Variants in CDYL2 observed in about 807,000 individuals in gnomAD.
CDYL2 encodes the protein chromodomain Y like 2.
CDYL2 carries 23 observed loss-of-function variants against 49.4 expected under a neutral mutation model. That is an observed-to-expected ratio of 0.47 (90% confidence interval 0.34 to 0.66). CDYL2 has a LOEUF of 0.66. Among genes scored for constraint, CDYL2 ranks in the 30% least tolerant of loss-of-function variants. CDYL2 has a pLI of 0.01. For synonymous variants in CDYL2, 360 were observed against 268.8 expected (o/e 1.34, Z -3.32); for missense variants, 678 against 656.4 (o/e 1.03, Z -0.36).
intron 1 of CDYL2, among the ~76,000 whole-genome samples, chr16:80,707,895 A>G (rs1473424138): frequency 6.6e-6 from 1 of 152,192 alleles, no homozygotes; most frequent in Non-Finnish European, 1.5e-5. Context: ...GAGACCATTG[A>G]TGCCTCTTAA....
intron 1 of CDYL2, among the ~76,000 whole-genome samples, chr16:80,687,159 C>G (rs1910228374): frequency 6.6e-6 from 1 of 152,222 alleles, no homozygotes; most frequent in South Asian, 2.1e-4. Flanking sequence ...AGCAATCTGA[C>G]ATTGCCTGAA....
chr16:80,682,677 GC>G (rs1910014805), intron 2 of CDYL2, among the ~76,000 whole-genome samples: 1 of 152,102 alleles, frequency 6.6e-6, no homozygotes, highest in Admixed American at 6.5e-5. Flanking sequence ...AGGGAACCCC[GC>G]CAGAGCCTTG....
chr16:80,769,280 A>G (rs1906828293), intron 1 of CDYL2, among the ~76,000 whole-genome samples: 1 of 152,236 alleles, frequency 6.6e-6, no homozygotes, highest in Non-Finnish European at 1.5e-5. Context: ...GGATGGCTCA[A>G]AAGGCTACAA....
At chr16:80,802,365 A>G (rs984172500) in intron 1 of CDYL2, among the ~76,000 whole-genome samples, 10 of 152,172 alleles carry the variant, frequency 6.6e-5, no homozygotes, top group Non-Finnish European at 1.5e-4. Flanking sequence ...CCCCTAAACA[A>G]TATCTACTTT....
At chr16:80,606,774 A>G (rs1490003324) in intron 6 of CDYL2, among the ~76,000 whole-genome samples, 1 of 152,148 alleles carries the variant, frequency 6.6e-6, no homozygotes, top group Non-Finnish European at 1.5e-5. Context: ...TTTCCCCCAC[A>G]CTGTTCTCCT....
chr16:80,692,893 T>A (rs1195744002), intron 1 of CDYL2, among the ~76,000 whole-genome samples: 2 of 152,250 alleles, frequency 1.3e-5, no homozygotes, highest in Non-Finnish European at 2.9e-5. Flanking sequence ...ATCAGAGCAT[T>A]TTTTCTCATA....
intron 2 of CDYL2, among the ~76,000 whole-genome samples, chr16:80,663,462 C>G (rs1909132249): frequency 6.6e-6 from 1 of 152,132 alleles, no homozygotes; most frequent in Non-Finnish European, 1.5e-5. Flanking sequence ...TAACTGTCAT[C>G]TGGCATGTTA....
chr16:80,737,718 T>C (rs1270272342), intron 1 of CDYL2, among the ~76,000 whole-genome samples: 1 of 152,068 alleles, frequency 6.6e-6, no homozygotes, highest in African/African-American at 2.4e-5. Context: ...ACATCCAGAG[T>C]TTCCGATTCA....
At chr16:80,682,891 G>T (rs558716526) in intron 2 of CDYL2, among the ~76,000 whole-genome samples, 1 of 152,234 alleles carries the variant, frequency 6.6e-6, no homozygotes, top group Non-Finnish European at 1.5e-5. Flanking sequence ...TCACGTCAGC[G>T]TCAGGGATCC....
chr16:80,618,476 T>C (rs1442142525), intron 4 of CDYL2, among the ~76,000 whole-genome samples: 7 of 152,026 alleles, frequency 4.6e-5, no homozygotes, highest in Non-Finnish European at 1.5e-5. Context: ...CAGGGATAGG[T>C]CAAGGAGACA....
chr16:80,754,397 G>A (rs1243355826), intron 1 of CDYL2, among the ~76,000 whole-genome samples: 1 of 152,140 alleles, frequency 6.6e-6, no homozygotes, highest in Non-Finnish European at 1.5e-5. Context: ...ACAAGCAAAG[G>A]CCACCCTAAC....
At chr16:80,683,729 G>C (rs954445926) in intron 2 of CDYL2, among the ~76,000 whole-genome samples, 2 of 152,280 alleles carry the variant, frequency 1.3e-5, no homozygotes, top group Non-Finnish European at 2.9e-5. Context: ...CTCCATCCTT[G>C]TGGATGGGAT....
intron 1 of CDYL2, among the ~76,000 whole-genome samples, chr16:80,697,130 T>C (rs183016203): frequency 6.6e-6 from 1 of 152,238 alleles, no homozygotes; most frequent in African/African-American, 2.4e-5. Flanking sequence ...AAAAGAAAAC[T>C]ACCGGCCAAC....
chr16:80,670,032 G>A (rs1909435507), intron 2 of CDYL2, among the ~76,000 whole-genome samples: 1 of 152,202 alleles, frequency 6.6e-6, no homozygotes, highest in East Asian at 1.9e-4. Context: ...AAGACATGGG[G>A]CACAACAACC....
Position 80,799,977 on chromosome 16 carries a change from C to T in CDYL2, c.24+4173G>A, listed in dbSNP as rs1907877516. On this transcript the variant is annotated intron_variant, in intron 1 of 6. Transcript: ENST00000570137. The stretch of plus-strand genomic sequence containing the variant: ...TGTATTTCTTTGACAGGAATGACCT[C>T]AGGTGTGATTCGTAAATAGAGGAAT... Among the ~76,000 whole-genome samples, 3 of 152,190 alleles carry T rather than the reference C, an allele frequency of 2.0e-5. No homozygotes were observed. The South Asian group carries it at 6.2e-4, about 32-fold the overall frequency.
intron 2 of CDYL2, among the ~76,000 whole-genome samples, chr16:80,643,283 C>G (rs937903681): frequency 6.6e-6 from 1 of 152,200 alleles, no homozygotes; most frequent in African/African-American, 2.4e-5. Flanking sequence ...AAGGTGAGTG[C>G]CCGTGGTCTT....
At chr16:80,690,981 C>T (rs139522768) in intron 1 of CDYL2, among the ~76,000 whole-genome samples, 62 of 152,236 alleles carry the variant, frequency 4.1e-4, no homozygotes, top group Non-Finnish European at 7.2e-4. Context: ...GGATATCTTC[C>T]CAACACATGG....
chr16:80,682,885 G>A (rs1039395926), intron 2 of CDYL2, among the ~76,000 whole-genome samples: 1 of 152,214 alleles, frequency 6.6e-6, no homozygotes, highest in African/African-American at 2.4e-5. Context: ...GCACAGTCAC[G>A]TCAGCGTCAG....
chr16:80,716,988 G>C (rs1904826394), intron 1 of CDYL2, among the ~76,000 whole-genome samples: 1 of 149,382 alleles, frequency 6.7e-6, no homozygotes, highest in Admixed American at 6.6e-5. Flanking sequence ...ATGATTAGAT[G>C]AATGGATGAT....
Sources: gnomAD v4.1 joint callset for allele counts (sites outside exome capture counted in the v4.1 genomes callset) on GRCh38, gnomAD v4.1.1 for gene constraint, MANE v1.5 for transcripts, NCBI Gene and HGNC (gene_info 2026-07-23, HGNC 2026-07-21) for gene names.